Variants in NDRG2 observed in about 807,000 individuals in gnomAD.
NDRG2 encodes protein NDRG2.
Under a neutral mutation model 58.2 loss-of-function variants are expected in NDRG2, and 34 were observed. That is an observed-to-expected ratio of 0.58 (90% CI 0.44 to 0.78). The LOEUF is 0.78. NDRG2 is among the 30% of genes least tolerant of loss of function. NDRG2 has a pLI of 0.00. For synonymous variants in NDRG2, 187 were observed against 175.9 expected (o/e 1.06, Z -0.50); for missense variants, 434 against 471.2 (o/e 0.92, Z 0.73).
At chr14:21,055,590 G>T (rs965815327) in intron 1 of NDRG2, among the ~76,000 whole-genome samples, 1 of 152,160 alleles carries the variant, frequency 6.6e-6, no homozygotes, top group Non-Finnish European at 1.5e-5. Flanking sequence ...AGGCTGGCCA[G>T]CTGCATGGGC....
At chr14:21,043,521 C>A in intron 1 of NDRG2, 2 of 1,141,986 alleles carry the variant, frequency 1.8e-6, no homozygotes, top group Non-Finnish European at 2.5e-6. Flanking sequence ...GGACTCCGCA[C>A]CACTCCCCTA....
intron 1 of NDRG2, among the ~76,000 whole-genome samples, chr14:21,046,703 C>T (rs1249220589): frequency 6.6e-6 from 1 of 152,108 alleles, no homozygotes; most frequent in Non-Finnish European, 1.5e-5. Flanking sequence ...AACTTAACTA[C>T]TAATAGCCTA....
At chr14:21,048,020 G>A (rs1204757880) in intron 1 of NDRG2, among the ~76,000 whole-genome samples, 1 of 152,010 alleles carries the variant, frequency 6.6e-6, no homozygotes, top group Non-Finnish European at 1.5e-5. Context: ...GGGCTCTGGG[G>A]GATAACCCTT....
intron 1 of NDRG2, among the ~76,000 whole-genome samples, chr14:21,062,593 G>A (rs1886021466): frequency 6.6e-6 from 1 of 152,184 alleles, no homozygotes; most frequent in Admixed American, 6.5e-5. Flanking sequence ...CTCAAAGGCT[G>A]TGGTCAGGTC....
At position 21,021,643 on chromosome 14, in the gene NDRG2, A is replaced by C. The variant is rs1594407948; in HGVS notation, c.407+174T>G. ...AGGGCTATTCTGTTGACTCTGGCCAATTTTCCAAACCCACCACCTTTTCTC... is the reference window on the plus strand; with the variant it reads ...AGGGCTATTCTGTTGACTCTGGCCACTTTTCCAAACCCACCACCTTTTCTC... On this transcript the variant is annotated intron_variant, in intron 6 of 15. Coordinates refer to ENST00000556147, the MANE Select transcript of NDRG2 (RefSeq NM_001320329.2). 2.6e-5 allele frequency: 19 copies of C among 743,390 alleles called. 1 individual carries two copies. The South Asian group carries it at 3.2e-4, about 12-fold the overall frequency. 46.0% of individuals were successfully genotyped at this position (743,390 alleles called of 1,614,324 possible).
At chr14:21,022,983 G>A (rs779857955) in intron 2 of NDRG2, 78 bp from the exon 3 acceptor site, 45 of 1,535,642 alleles carry the variant, frequency 2.9e-5, no homozygotes, top group Non-Finnish European at 3.8e-5. Context: ...CAGACAAAGA[G>A]AGGCAAGTAA....
At chr14:21,064,662 T>G (rs753515853) in intron 1 of NDRG2, among the ~76,000 whole-genome samples, 1 of 152,222 alleles carries the variant, frequency 6.6e-6, no homozygotes, top group South Asian at 2.1e-4. Flanking sequence ...TGGAAATATA[T>G]ACGGACAATG....
chr14:21,066,193 G>A (rs1327943102), intron 1 of NDRG2, among the ~76,000 whole-genome samples: 2 of 152,176 alleles, frequency 1.3e-5, no homozygotes, highest in Non-Finnish European at 1.5e-5. Flanking sequence ...GTCACCACAG[G>A]GCTATGGTAA....
chr14:21,053,810 GA>G (rs540565887), intron 1 of NDRG2, among the ~76,000 whole-genome samples: 16 of 146,766 alleles, frequency 1.1e-4, no homozygotes, highest in Middle Eastern at 3.5e-3. Flanking sequence ...CCTTAAAAAA[GA>G]AAAAAAAAAT....
rs752482640 is a variant in NDRG2, at chr14:21,024,641, C to A, written c.-618G>T. 9.1e-6 allele frequency: 9 copies of A among 985,316 alleles called. No homozygotes were observed. The highest frequency in any genetic ancestry group is 9.6e-6 in the Non-Finnish European group (8 of 829,960). The allele number at this position is 985,316 out of a possible 1,614,324, so 61.0% of individuals were successfully genotyped here. A position where few individuals can be genotyped will look rare whatever the true frequency, so the allele number is the denominator to read the frequency against. ...ACGAGTGGAGAAAGGGAGAGGAGAG[C>A]GGTCCCACAATCTTCTCCCGTTCTC... On this transcript the variant is annotated 5_prime_UTR_variant, in exon 1 of 16. Coordinates refer to ENST00000556147, the MANE Select transcript of NDRG2 (RefSeq NM_001320329.2).
At chr14:21,040,743 C>T (rs925976756) in intron 1 of NDRG2, among the ~76,000 whole-genome samples, 3 of 152,220 alleles carry the variant, frequency 2.0e-5, no homozygotes, top group Non-Finnish European at 2.9e-5. Context: ...AGTCTCTTCA[C>T]TTGGAACATT....
At chr14:21,021,312 G>A in intron 6 of NDRG2, 1 of 355,640 alleles carries the variant, frequency 2.8e-6, no homozygotes, top group Non-Finnish European at 5.5e-6. Context: ...CAGAGCTGCT[G>A]AGCCCTGGTG....
At chr14:21,022,965 G>T (rs1290609006) in intron 2 of NDRG2, 60 bp from the exon 3 acceptor site, 1 of 1,584,854 alleles carries the variant, frequency 6.3e-7, no homozygotes, top group Non-Finnish European at 8.7e-7. Flanking sequence ...CCCAGATGGA[G>T]AGACAAACAG....
intron 10 of NDRG2, 152 bp downstream of exon 10, chr14:21,019,485 CTG>C: frequency 1.6e-6 from 1 of 623,648 alleles, no homozygotes; most frequent in Non-Finnish European, 2.8e-6. Context: ...CCCACTGACT[CTG>C]TCCTGAAGCT....
intron 1 of NDRG2, among the ~76,000 whole-genome samples, chr14:21,060,271 C>T (rs571883424): frequency 3.3e-5 from 5 of 152,206 alleles, no homozygotes; most frequent in African/African-American, 1.2e-4. Flanking sequence ...GCCTCTCACA[C>T]CAACACCATC....
chr14:21,070,280 C>T lies in NDRG2; in HGVS notation c.24+548G>A, dbSNP rs1006820767. The T allele has an allele frequency of 6.5e-5, 73 of 1,117,392 alleles. No homozygotes were observed. In the African/African-American group the frequency reaches 1.1e-3, roughly 16 times the overall value. 69.2% of individuals were successfully genotyped at this position (1,117,392 alleles called of 1,614,324 possible). A position where few individuals can be genotyped will look rare whatever the true frequency, so the allele number is the denominator to read the frequency against. Reference sequence around the variant, plus strand: ...AAGCCGGAGCGGGCCGAGCCGCCACCGCGGCCGGAGCTGTCCCTTAGCCAG... The same window carrying T: ...AAGCCGGAGCGGGCCGAGCCGCCACTGCGGCCGGAGCTGTCCCTTAGCCAG... On this transcript the variant is annotated intron_variant, in intron 1 of 14. Transcript: ENST00000403829. This position sits in a 1 kb window ranked among gnomAD's most constrained non-coding sequence, Gnocchi z 4.7.
chr14:21,063,565 C>A lies in NDRG2; in HGVS notation c.24+7263G>T, dbSNP rs375585961. On this transcript the variant is annotated intron_variant, in intron 1 of 14. Coordinates refer to the NDRG2 transcript ENST00000403829. ...AAAGGAAATGTCAAGGAACTAGAGA[C>A]AAAGTTTTATCCGCTGCTTGGCAGT... is the stretch of plus-strand genomic sequence containing the variant. Among the ~76,000 whole-genome samples the A allele has an allele frequency of 6.6e-5, 10 of 152,192 alleles. No homozygotes were observed. In the East Asian group the frequency reaches 1.7e-3, roughly 26 times the overall value.
chr14:21,030,687 G>A, upstream of NDRG2: 5 of 1,614,198 alleles, frequency 3.1e-6, no homozygotes, highest in Non-Finnish European at 4.2e-6. Context: ...GCTGTGCAAA[G>A]ACTGTGGCAT....
At chr14:21,069,897 C>G (rs2139184142) in intron 1 of NDRG2, among the ~76,000 whole-genome samples, 1 of 152,198 alleles carries the variant, frequency 6.6e-6, no homozygotes, top group East Asian at 1.9e-4. Context: ...GACCCCAGTT[C>G]TGGGAAGGGG....
Sources: allele counts gnomAD v4.1 joint callset (sites outside exome capture counted in the v4.1 genomes callset), GRCh38; gene constraint gnomAD v4.1.1; non-coding constraint Gnocchi (gnomAD v3.1); transcripts MANE v1.5; gene names NCBI Gene and HGNC (gene_info 2026-07-23, HGNC 2026-07-21).